Variants in ENPP2 observed in about 807,000 individuals in gnomAD.
ENPP2 encodes the protein ectonucleotide pyrophosphatase/phosphodiesterase 2.
Under a neutral mutation model 120.2 loss-of-function variants are expected in ENPP2, and 51 were observed. That is an observed-to-expected ratio of 0.42 (90% CI 0.34 to 0.54). The LOEUF (loss-of-function observed/expected upper bound fraction) is 0.54. Ranked by LOEUF, ENPP2 falls within the 20% of genes least tolerant of loss-of-function variation. The probability of loss-of-function intolerance (pLI) is 0.04; values close to 1 mark genes in which losing one functional copy is unlikely to be tolerated. For synonymous variants in ENPP2, 365 were observed against 366.4 expected, an observed-to-expected ratio of 1.00 and a Z score of 0.04; for missense variants, 920 against 1,066.5, an observed-to-expected ratio of 0.86 and a Z score of 1.91.
At chr8:119,601,875 G>A (rs1156910511) in intron 9 of ENPP2, among the ~76,000 whole-genome samples, 3 of 152,072 alleles carry the variant, frequency 2.0e-5, no homozygotes, top group Admixed American at 6.6e-5. Flanking sequence ...TTGACCACTC[G>A]GTCTCAGTTT....
At chr8:119,648,259 A>G (rs1282219050) in intron 1 of ENPP2, among the ~76,000 whole-genome samples, 1 of 152,238 alleles carries the variant, frequency 6.6e-6, no homozygotes, top group African/African-American at 2.4e-5. Context: ...GTCATCTGCT[A>G]TCGTGCTCTC....
chr8:119,633,914 G>A (rs1170304613), intron 2 of ENPP2, among the ~76,000 whole-genome samples: 1 of 151,026 alleles, frequency 6.6e-6, no homozygotes, highest in Non-Finnish European at 1.5e-5. Flanking sequence ...CTGCCTCGGT[G>A]ACTCATGCCT....
rs73329870 is a variant in ENPP2 at position 119,622,227 on chromosome 8, C to A, written c.293-708G>T. Among the ~76,000 whole-genome samples, 1,360 of 152,276 alleles carry A rather than the reference C, an allele frequency of 8.9e-3. 28 individuals carry two copies. The highest frequency in any genetic ancestry group is 0.032 in the African/African-American group (1,316 of 41,548). ...TACAGGCATGAGCCACAGCACCTAGCCTAAAGTAGCTGTGCTTAGCGTTAA... is the reference window on the plus strand; with the variant it reads ...TACAGGCATGAGCCACAGCACCTAGACTAAAGTAGCTGTGCTTAGCGTTAA... On this transcript the variant is annotated intron_variant, in intron 3 of 24. Transcript: ENST00000075322.
exon 1 of ENPP2, chr8:119,673,361 C>G: frequency 6.9e-7 from 1 of 1,454,838 alleles, no homozygotes; most frequent in South Asian, 1.2e-5. Context: ...GTGCTCGGGA[C>G]GGCTGCTGCG....
chr8:119,609,882 A>C (rs1275218270), intron 8 of ENPP2, among the ~76,000 whole-genome samples: 1 of 152,178 alleles, frequency 6.6e-6, no homozygotes, highest in Non-Finnish European at 1.5e-5. Context: ...TTTTAATACA[A>C]ATTTCTCAAA....
intron 1 of ENPP2, among the ~76,000 whole-genome samples, chr8:119,657,145 G>A (rs537052621): frequency 2.6e-5 from 4 of 152,104 alleles, no homozygotes; most frequent in Non-Finnish European, 5.9e-5. Flanking sequence ...GTCTGGTCTC[G>A]AACTCCTGAC....
chr8:119,564,211 AAAT>A, intron 23 of ENPP2, among the ~76,000 whole-genome samples: 1 of 152,066 alleles, frequency 6.6e-6, no homozygotes, highest in Non-Finnish European at 1.5e-5. Flanking sequence ...AGTCCCACCC[AAAT>A]AATGAAGATA....
intron 1 of ENPP2, among the ~76,000 whole-genome samples, chr8:119,672,319 A>G (rs1818274523): frequency 6.6e-6 from 1 of 152,224 alleles, no homozygotes; most frequent in Admixed American, 6.5e-5. Context: ...TGATAAATAC[A>G]TAAGCAATAC....
At chr8:119,604,587 C>CAAAAAA (rs34725889) in intron 9 of ENPP2, among the ~76,000 whole-genome samples, 1 of 143,262 alleles carries the variant, frequency 7.0e-6, no homozygotes, top group Non-Finnish European at 1.6e-5. Context: ...TAGAAATGGT[C>CAAAAAA]AAAAAAAAAA....
intron 4 of ENPP2, among the ~76,000 whole-genome samples, chr8:119,619,695 A>G (rs977841031): frequency 6.6e-6 from 1 of 151,690 alleles, no homozygotes; most frequent in African/African-American, 2.4e-5. Flanking sequence ...GCATGGCAAA[A>G]CTTCCCTTTA....
chr8:119,573,576 G>T (rs1812120133), intron 19 of ENPP2, among the ~76,000 whole-genome samples: 1 of 152,106 alleles, frequency 6.6e-6, no homozygotes, highest in Admixed American at 6.6e-5. Context: ...ACTTTGGGAG[G>T]CTGAGGTGGG....
At chr8:119,560,475 T>A (rs112226415) in intron 24 of ENPP2, among the ~76,000 whole-genome samples, 4,057 of 152,250 alleles carry the variant, frequency 0.027, 150 homozygotes, top group African/African-American at 0.079. Context: ...ACCCTATGGA[T>A]CCTTCAAGTA....
intron 13 of ENPP2, 79 bp downstream of exon 13, chr8:119,590,426 T>G: frequency 8.5e-7 from 1 of 1,176,016 alleles, no homozygotes; most frequent in South Asian, 2.1e-5. Context: ...ACCCAAGTAT[T>G]TCAGCTTTAG....
chr8:119,638,331 T>C, intron 2 of ENPP2, 94 bp downstream of exon 2: 1 of 682,030 alleles, frequency 1.5e-6, no homozygotes, highest in Non-Finnish European at 2.6e-6. Context: ...ACTGCAAGAT[T>C]GTATTAAAAA....
intron 23 of ENPP2, among the ~76,000 whole-genome samples, chr8:119,563,496 A>G (rs950627562): frequency 6.6e-6 from 1 of 152,214 alleles, no homozygotes. Flanking sequence ...GACAGGGGCA[A>G]GAGACATTAG....
intron 9 of ENPP2, among the ~76,000 whole-genome samples, chr8:119,605,145 C>G (rs551902348): frequency 5.3e-5 from 8 of 152,142 alleles, no homozygotes; most frequent in African/African-American, 1.9e-4. Flanking sequence ...CATCTCAGCT[C>G]ACTGCAGCCT....
At chr8:119,614,353 C>A (rs1025511257) in intron 8 of ENPP2, among the ~76,000 whole-genome samples, 1 of 152,082 alleles carries the variant, frequency 6.6e-6, no homozygotes, top group South Asian at 2.1e-4. Context: ...ACATGAGCCA[C>A]CACGCCCGGC....
intron 1 of ENPP2, among the ~76,000 whole-genome samples, chr8:119,672,140 A>ATGTC (rs1330451954): frequency 2.6e-5 from 4 of 152,074 alleles, no homozygotes; most frequent in Non-Finnish European, 5.9e-5. Context: ...TAGTGAGGAG[A>ATGTC]TGTCGGGAGA....
chr8:119,666,450 A>C (rs1198754178), intron 1 of ENPP2, among the ~76,000 whole-genome samples: 1 of 152,148 alleles, frequency 6.6e-6, no homozygotes, highest in Non-Finnish European at 1.5e-5. Flanking sequence ...ATATTCAGTA[A>C]TATAATGCAA....
Sources: gnomAD v4.1 joint callset for allele counts (sites outside exome capture counted in the v4.1 genomes callset) on GRCh38, gnomAD v4.1.1 for gene constraint, MANE v1.5 for transcripts, NCBI Gene and HGNC (gene_info 2026-07-23, HGNC 2026-07-21) for gene names.